The following UGT1A8 variants were observed in gnomAD, a reference collection of about 807,000 sequenced individuals.
UGT1A8 encodes UDP glucuronosyltransferase family 1 member A8.
A neutral mutation model predicts 45.3 loss-of-function variants in UGT1A8; 39 were observed. The observed-to-expected ratio is 0.86, with a 90% confidence interval of 0.67 to 1.12. The LOEUF is 1.12. Among genes scored for constraint, UGT1A8 ranks in the 50% most tolerant of loss-of-function variants. UGT1A8 has a pLI of 0.00. For missense variants in UGT1A8, 719 were observed against 664.9 expected (o/e 1.08, Z -0.90); for synonymous variants, 275 against 249.2 (o/e 1.10, Z -0.97).
At chr2:233,648,758 C>A in intron 1 of UGT1A8, 1 of 697,010 alleles carries the variant, frequency 1.4e-6, no homozygotes, top group Non-Finnish European at 2.3e-6. Context: ...GCCACCACAC[C>A]CAGCCTGGAT....
intron 1 of UGT1A8, among the ~76,000 whole-genome samples, chr2:233,704,462 A>G (rs989153575): frequency 1.3e-5 from 2 of 151,938 alleles, no homozygotes; most frequent in African/African-American, 4.8e-5. Flanking sequence ...ATATAGCTCT[A>G]TTTCCTTTCT....
rs1019965389 is a variant in UGT1A8, at chr2:233,761,222, C to A, written c.856-5812C>A. 2.1e-5 allele frequency: 34 copies of A among 1,613,256 alleles called. No homozygotes were observed. In the African/African-American group the frequency reaches 4.4e-4, roughly 21 times the overall value. ...GTATTACTTTGGATCGATTAACTAG[C>A]CCCAGATATATGCTGAGCAAGCATT... On this transcript the variant is annotated intron_variant, in intron 1 of 4. Coordinates refer to ENST00000373450, the MANE Select transcript of UGT1A8 (RefSeq NM_019076.5).
At chr2:233,715,989 A>G (rs1242596937) in intron 1 of UGT1A8, among the ~76,000 whole-genome samples, 1 of 152,116 alleles carries the variant, frequency 6.6e-6, no homozygotes, top group East Asian at 1.9e-4. Flanking sequence ...TTAAAACACA[A>G]CAAAACCCAA....
intron 1 of UGT1A8, chr2:233,729,881 C>T (rs1164878821): frequency 1.9e-6 from 3 of 1,613,778 alleles, no homozygotes; most frequent in Admixed American, 3.3e-5. Flanking sequence ...CTCAGTCATG[C>T]ATCTGTGTGG....
intron 1 of UGT1A8, chr2:233,693,898 T>C: frequency 6.2e-7 from 1 of 1,613,782 alleles, no homozygotes; most frequent in Non-Finnish European, 8.5e-7. Flanking sequence ...GACTGCCTTG[T>C]TTCTTCCAGG....
At chr2:233,655,503 G>T (rs1480204434) in intron 1 of UGT1A8, among the ~76,000 whole-genome samples, 1 of 152,188 alleles carries the variant, frequency 6.6e-6, no homozygotes, top group Admixed American at 6.5e-5. Context: ...GCCTTAGGCT[G>T]TCATTTCCAA....
In UGT1A8 at chr2:233,693,134, G is replaced by C. The variant is rs767703127; in HGVS notation, c.856-73900G>C. 20 of 1,614,202 alleles carry C rather than the reference G, an allele frequency of 1.2e-5. No individual in the cohort carries two copies. The highest frequency in any genetic ancestry group is 1.6e-4 in the Middle Eastern group (1 of 6,062). ...CGGAAGCCACTGGCTTAGTATGAAG[G>C]ATATAGTTGAGGTTCTCAGTGACCG... On this transcript the variant is annotated intron_variant, in intron 1 of 4. Transcript: ENST00000373450.
intron 1 of UGT1A8, among the ~76,000 whole-genome samples, chr2:233,659,444 GAAAATTTTAAGGTTTGAGAA>G (rs1324697717): frequency 6.6e-6 from 1 of 152,140 alleles, no homozygotes; most frequent in Non-Finnish European, 1.5e-5. Context: ...ATGTTATTAA[GAAAATTTTAAGGTTTGAGAA>G]AAAATTTTAG....
chr2:233,745,019 T>C (rs1692990004), intron 1 of UGT1A8, among the ~76,000 whole-genome samples: 1 of 151,908 alleles, frequency 6.6e-6, no homozygotes, highest in Non-Finnish European at 1.5e-5. Context: ...ATGTAAATGC[T>C]ATGTAAATAG....
intron 1 of UGT1A8, among the ~76,000 whole-genome samples, chr2:233,652,268 CT>C (rs1194727070): frequency 6.6e-6 from 1 of 152,034 alleles, no homozygotes; most frequent in Non-Finnish European, 1.5e-5. Flanking sequence ...TTTATTTCAA[CT>C]TTTTTTTGTC....
chr2:233,625,504 C>A (rs573530938), intron 1 of UGT1A8, among the ~76,000 whole-genome samples: 1 of 152,180 alleles, frequency 6.6e-6, no homozygotes, highest in Non-Finnish European at 1.5e-5. Flanking sequence ...ATGTTCATTG[C>A]AGCTCTATTC....
At chr2:233,641,796 T>G (rs888312988) in intron 1 of UGT1A8, among the ~76,000 whole-genome samples, 1 of 152,138 alleles carries the variant, frequency 6.6e-6, no homozygotes, top group Non-Finnish European at 1.5e-5. Flanking sequence ...GGTAAAAGGT[T>G]TTTTTTTCTT....
At chr2:233,761,816 G>C (rs374860940) in intron 1 of UGT1A8, among the ~76,000 whole-genome samples, 3 of 152,178 alleles carry the variant, frequency 2.0e-5, no homozygotes, top group Admixed American at 6.5e-5. Flanking sequence ...AACAGGAGAG[G>C]CTCCTTCAGA....
rs897231174 is a variant in UGT1A8 at position 233,618,522 on chromosome 2, T to C, written c.815T>C (p.Ile272Thr). 4.3e-6 allele frequency: 7 copies of C among 1,613,960 alleles called. No individual in the cohort carries two copies. Among genetic ancestry groups the C allele is most frequent in the Non-Finnish European group, 5.1e-6 (6 of 1,179,852 alleles). Residue 272 changes from isoleucine (I) to threonine (T), a missense_variant, in exon 1 of 5, where the codon ATT (isoleucine) becomes ACT (threonine). By Grantham distance (89) the Ile-to-Thr change is moderately conservative (BLOSUM62 -1). Coordinates refer to ENST00000373450, the MANE Select transcript of UGT1A8 (RefSeq NM_019076.5). ...CCCGTGATGCCCAATATGATCTTCA[T>C]TGGTGGTATCAACTGCCATCAGGGA... ...PKPVMPNMIF[I>T]GGINCHQGKP...
intron 1 of UGT1A8, chr2:233,750,593 G>A (rs978024854): frequency 2.0e-5 from 3 of 152,058 alleles, no homozygotes; most frequent in Admixed American, 6.5e-5. Context: ...GGAGGCCTAG[G>A]AAGGAAAAAT....
intron 1 of UGT1A8, among the ~76,000 whole-genome samples, chr2:233,694,872 C>G (rs2075245016): frequency 6.6e-6 from 1 of 152,168 alleles, no homozygotes; most frequent in Non-Finnish European, 1.5e-5. Context: ...TATAGTTGTA[C>G]ACATTTGGGG....
At chr2:233,675,401 A>T (rs1329961960) in intron 1 of UGT1A8, among the ~76,000 whole-genome samples, 1 of 152,162 alleles carries the variant, frequency 6.6e-6, no homozygotes, top group Non-Finnish European at 1.5e-5. Context: ...TGAATTTTTG[A>T]TGAGTTCCAA....
At chr2:233,661,166 CT>C (rs35723461) in intron 1 of UGT1A8, among the ~76,000 whole-genome samples, 1 of 150,970 alleles carries the variant, frequency 6.6e-6, no homozygotes, top group Non-Finnish European at 1.5e-5. Flanking sequence ...TAGTTTCAGA[CT>C]TTTTTTTTCT....
Position 233,758,200 on chromosome 2 carries a change from T to C in UGT1A8, c.856-8834T>C, listed in dbSNP as rs184891359. Among the ~76,000 whole-genome samples the C allele has an allele frequency of 3.3e-4, 50 of 152,348 alleles. No homozygotes were observed. In the East Asian group the frequency reaches 9.2e-3, roughly 28 times the overall value. On this transcript the variant is annotated intron_variant, in intron 1 of 4. Coordinates refer to ENST00000373450, the MANE Select transcript of UGT1A8 (RefSeq NM_019076.5). ...AGATATTAATTGGATTGCTTAGTAGTGGTTCTCTGTTGTAATTCATGAGCA... is the reference window on the plus strand; with the variant it reads ...AGATATTAATTGGATTGCTTAGTAGCGGTTCTCTGTTGTAATTCATGAGCA...
Sources: gnomAD v4.1 joint callset for allele counts (sites outside exome capture counted in the v4.1 genomes callset) on GRCh38, gnomAD v4.1.1 for gene constraint, MANE v1.5 for transcripts, NCBI Gene and HGNC (gene_info 2026-07-23, HGNC 2026-07-21) for gene names.